SPA17: variants seen among roughly 807,000 people sequenced by gnomAD.
SPA17 encodes the protein sperm surface protein Sp17.
In SPA17, 7 loss-of-function variants were observed where a neutral mutation model predicts 13.8. That is an observed-to-expected ratio of 0.51 (90% CI 0.29 to 0.95). The LOEUF (loss-of-function observed/expected upper bound fraction) is 0.95, where lower values mean the gene tolerates loss of function less well. Ranked by LOEUF, SPA17 falls within the 40% of genes least tolerant of loss-of-function variation. The probability of loss-of-function intolerance (pLI) is 0.08; values close to 1 mark genes in which losing one functional copy is unlikely to be tolerated. For synonymous variants in SPA17, 61 were observed against 59.0 expected (o/e 1.03, Z -0.16); for missense variants, 170 against 179.3 (o/e 0.95, Z 0.30).
chr11:124,679,801 A>C (rs1484815596), intron 2 of SPA17, among the ~76,000 whole-genome samples: 2 of 152,212 alleles, frequency 1.3e-5, no homozygotes, highest in African/African-American at 2.4e-5. Flanking sequence ...AGGTGTTTCC[A>C]AAGGACTCAG....
At chr11:124,676,736 A>G (rs974832899) in intron 2 of SPA17, among the ~76,000 whole-genome samples, 38 of 152,226 alleles carry the variant, frequency 2.5e-4, no homozygotes, top group Non-Finnish European at 5.9e-5. Flanking sequence ...TTGGGGGCCT[A>G]TGTGAGAGCA....
chr11:124,674,004 T>G, intron 1 of SPA17, 52 bp downstream of exon 1: 1 of 443,994 alleles, frequency 2.3e-6, no homozygotes, highest in Non-Finnish European at 4.1e-6. Context: ...GCCTTTTCCC[T>G]TCGTCTCTCT....
At chr11:124,678,938 G>A (rs1382485652) in intron 2 of SPA17, among the ~76,000 whole-genome samples, 1 of 151,972 alleles carries the variant, frequency 6.6e-6, no homozygotes, top group Non-Finnish European at 1.5e-5. Context: ...AAGTGAACAG[G>A]GTAGAGAGAA....
chr11:124,693,974 T>C (rs1943648499), intron 4 of SPA17, among the ~76,000 whole-genome samples: 1 of 152,192 alleles, frequency 6.6e-6, no homozygotes, highest in Non-Finnish European at 1.5e-5. Flanking sequence ...ATTTTTACCA[T>C]GCCTCAAGGA....
rs1025581730 is a variant in SPA17, at chr11:124,696,088, A to G, written c.*1642A>G. 1 of 152,140 alleles carries G rather than the reference A, an allele frequency of 6.6e-6. No individual in the cohort carries two copies. Among genetic ancestry groups the G allele is most frequent in the Non-Finnish European group, 1.5e-5 (1 of 68,042 alleles). 9.4% of individuals were successfully genotyped at this position (152,140 alleles called of 1,614,324 possible). A position where few individuals can be genotyped will look rare whatever the true frequency, so the allele number is the denominator to read the frequency against. On this transcript the variant is annotated 3_prime_UTR_variant, in exon 5 of 5. Coordinates refer to ENST00000227135, the MANE Select transcript of SPA17 (RefSeq NM_017425.4). ...TACAGGCAGCCTTTCTCCTTCCAAA[A>G]TCTTGCTGCCACTGTAGAGAGTTTC...
chr11:124,680,776 G>C lies in SPA17; in HGVS notation c.155-613G>C, dbSNP rs573008824. 3.3e-5 allele frequency among the ~76,000 whole-genome samples: 5 copies of C among 152,046 alleles called. No homozygotes were observed. The South Asian group carries it at 1.0e-3, about 32-fold the overall frequency. On this transcript the variant is annotated intron_variant, in intron 2 of 4. Coordinates refer to ENST00000227135, the MANE Select transcript of SPA17 (RefSeq NM_017425.4). ...TTAAAAATAATCAGAAAAAAGTGCAGAAAAATAATCAGAAGAAAAGGTTAT... is the reference window on the plus strand; with the variant it reads ...TTAAAAATAATCAGAAAAAAGTGCACAAAAATAATCAGAAGAAAAGGTTAT...
At position 124,694,752 on chromosome 11, in the gene SPA17, T is replaced by C. The variant is rs2134421896; in HGVS notation, c.*306T>C. 5.1e-6 allele frequency: 1 copy of C among 196,508 alleles called. No individual in the cohort carries two copies. Among genetic ancestry groups the C allele is most frequent in the East Asian group, 1.2e-4 (1 of 8,202 alleles). The allele number at this position is 196,508 out of a possible 1,614,324, so 12.2% of individuals were successfully genotyped here. On this transcript the variant is annotated 3_prime_UTR_variant, in exon 5 of 5. Transcript: ENST00000227135. ...GATCTCAGAGGTTATGTGTTCTAAC[T>C]ATTATCAAATGAATAAATCCTCTCT...
At position 124,689,728 on chromosome 11, in the gene SPA17, A is replaced by G. The variant is rs115071363; in HGVS notation, c.226-1968A>G. Among the ~76,000 whole-genome samples the G allele has an allele frequency of 9.4e-3, 1,424 of 152,036 alleles. 17 individuals carry two copies. Among genetic ancestry groups the G allele is most frequent in the African/African-American group, 0.032 (1,335 of 41,458 alleles). ...ACAGGTCAAGGCTGTAGTGCACTCC[A>G]GCCTGGGCAACAGAGTGAGACCCTG... On this transcript the variant is annotated intron_variant, in intron 3 of 4. Coordinates refer to ENST00000227135, the MANE Select transcript of SPA17 (RefSeq NM_017425.4).
chr11:124,691,638 T>TA (rs1943623897), intron 3 of SPA17, 58 bp from the exon 4 acceptor site: 1 of 1,141,362 alleles, frequency 8.8e-7, no homozygotes, highest in Non-Finnish European at 1.3e-6. Context: ...AGCAGTTTGA[T>TA]ACAAGACTTT....
At chr11:124,691,888 T>A in intron 4 of SPA17, 106 bp downstream of exon 4, 1 of 627,924 alleles carries the variant, frequency 1.6e-6, no homozygotes, top group Non-Finnish European at 2.5e-6. Context: ...TTGTCAAAAT[T>A]ATGACTTTAC....
In SPA17 at chr11:124,696,418, G is replaced by A. The variant is rs1943671831; in HGVS notation, c.*1972G>A. Reference sequence around the variant, plus strand: ...ATATAGCAGGAAAAAAAAAAAAGATGAGTTAGCTTTTTCAGTAATTCTCCT... The same window carrying A: ...ATATAGCAGGAAAAAAAAAAAAGATAAGTTAGCTTTTTCAGTAATTCTCCT... On this transcript the variant is annotated 3_prime_UTR_variant, in exon 5 of 5. Transcript: ENST00000227135. 6.6e-6 allele frequency: 1 copy of A among 151,620 alleles called. No homozygotes were observed. The highest frequency in any genetic ancestry group is 1.5e-5 in the Non-Finnish European group (1 of 67,936). 9.4% of individuals were successfully genotyped at this position (151,620 alleles called of 1,614,324 possible).
intron 3 of SPA17, among the ~76,000 whole-genome samples, chr11:124,689,640 GGT>G (rs887065384): frequency 4.0e-5 from 6 of 151,870 alleles, no homozygotes; most frequent in African/African-American, 1.5e-4. Flanking sequence ...AGCCAGACGT[GGT>G]GGTGTGCACC....
chr11:124,675,657 G>T, intron 2 of SPA17: 1 of 379,192 alleles, frequency 2.6e-6, no homozygotes, highest in Non-Finnish European at 4.8e-6. Context: ...ATTTCTCACG[G>T]ACATACAGCG....
At chr11:124,677,536 A>G (rs1031159775) in intron 2 of SPA17, among the ~76,000 whole-genome samples, 2 of 152,238 alleles carry the variant, frequency 1.3e-5, no homozygotes. Context: ...TACAGATACT[A>G]GAAGAAAATA....
At chr11:124,692,215 G>C (rs902356973) in intron 4 of SPA17, among the ~76,000 whole-genome samples, 1 of 152,168 alleles carries the variant, frequency 6.6e-6, no homozygotes, top group Non-Finnish European at 1.5e-5. Flanking sequence ...CAACAATGTG[G>C]CTTATTCATC....
At chr11:124,688,837 A>G (rs2134416983) in intron 3 of SPA17, among the ~76,000 whole-genome samples, 1 of 152,368 alleles carries the variant, frequency 6.6e-6, no homozygotes, top group Admixed American at 6.5e-5. Context: ...AAATGATATT[A>G]TAGGTTGGTG....
rs1025351592 is a variant in SPA17, at chr11:124,675,666, C to T, written c.154+248C>T. 1.8e-5 allele frequency: 6 copies of T among 341,964 alleles called. No homozygotes were observed. In the East Asian group the frequency reaches 3.1e-4, roughly 18 times the overall value. The allele number at this position is 341,964 out of a possible 1,614,324, so 21.2% of individuals were successfully genotyped here. On this transcript the variant is annotated intron_variant, in intron 2 of 4. Transcript: ENST00000227135. ...CATTGTATTTCTCACGGACATACAG[C>T]GTGGAAGGTAACTGCAAAAGAGCAT...
intron 2 of SPA17, among the ~76,000 whole-genome samples, chr11:124,677,783 A>T (rs572671634): frequency 3.7e-4 from 54 of 145,930 alleles, no homozygotes; most frequent in Admixed American, 2.3e-3. Context: ...TTGTAAAAAC[A>T]GTGTGTTATA....
intron 4 of SPA17, 45 bp from the exon 5 acceptor site, chr11:124,694,258 A>C: frequency 6.3e-7 from 1 of 1,587,380 alleles, no homozygotes. Context: ...CATCAAAACT[A>C]CGCCATATTT....
Sources: allele counts gnomAD v4.1 joint callset (sites outside exome capture counted in the v4.1 genomes callset), GRCh38; gene constraint gnomAD v4.1.1; transcripts MANE v1.5; gene names NCBI Gene and HGNC (gene_info 2026-07-23, HGNC 2026-07-21).